The following ERC2 variants were observed in gnomAD, a reference collection of about 807,000 sequenced individuals.
The protein encoded by ERC2 is ERC protein 2.
Under a neutral mutation model 114.8 loss-of-function variants are expected in ERC2, and 42 were observed. That is an observed-to-expected ratio of 0.37 (90% CI 0.29 to 0.47). The LOEUF (loss-of-function observed/expected upper bound fraction) is 0.47. Ranked by LOEUF, ERC2 falls within the 20% of genes least tolerant of loss-of-function variation. The pLI is 0.99. For missense variants in ERC2, 939 were observed against 1,150.7 expected, an observed-to-expected ratio of 0.82 and a Z score of 2.66; for synonymous variants, 454 against 425.5, an observed-to-expected ratio of 1.07 and a Z score of -0.82.
intron 17 of ERC2, among the ~76,000 whole-genome samples, chr3:55,521,785 A>G (rs1483685625): frequency 6.6e-6 from 1 of 152,220 alleles, no homozygotes; most frequent in Non-Finnish European, 1.5e-5. Flanking sequence ...GCAAAGAATT[A>G]AGCTTGTAAC....
At chr3:55,694,865 G>C (rs2062848109) in intron 16 of ERC2, among the ~76,000 whole-genome samples, 1 of 152,230 alleles carries the variant, frequency 6.6e-6, no homozygotes. Context: ...ACAAAGGGTA[G>C]CCTGCATGGT....
rs151068392 is a variant in ERC2, at chr3:56,225,973, G to A, written c.1075-52453C>T. 1.3e-3 allele frequency among the ~76,000 whole-genome samples: 193 copies of A among 152,218 alleles called. 1 individual carries two copies. Among genetic ancestry groups the A allele is most frequent in the African/African-American group, 4.6e-3 (189 of 41,530 alleles). On this transcript the variant is annotated intron_variant, in intron 3 of 17. Coordinates refer to ENST00000288221, the MANE Select transcript of ERC2 (RefSeq NM_015576.3). Reference sequence around the variant, plus strand: ...TAGCATTTATGGCAATCAGAACTGCGCCTCATGCACTTGTGTCATCTTTCT... The same window carrying A: ...TAGCATTTATGGCAATCAGAACTGCACCTCATGCACTTGTGTCATCTTTCT...
intron 3 of ERC2, among the ~76,000 whole-genome samples, chr3:56,294,049 A>G (rs2055268737): frequency 6.6e-6 from 1 of 152,260 alleles, no homozygotes; most frequent in South Asian, 2.1e-4. Context: ...TTCCAACTAT[A>G]GTGATCCTCT....
intron 17 of ERC2, among the ~76,000 whole-genome samples, chr3:55,602,176 G>A (rs950247333): frequency 1.1e-4 from 17 of 152,186 alleles, no homozygotes; most frequent in African/African-American, 4.1e-4. Flanking sequence ...CAGTGTGTGA[G>A]AGACTGAGAA....
chr3:56,228,801 G>C (rs576045618), intron 3 of ERC2, among the ~76,000 whole-genome samples: 36 of 152,268 alleles, frequency 2.4e-4, no homozygotes, highest in South Asian at 8.3e-4. Context: ...ATTTTTAAAA[G>C]TGTAAAATAA....
At chr3:55,835,007 G>T (rs1240888362) in intron 14 of ERC2, among the ~76,000 whole-genome samples, 1 of 151,332 alleles carries the variant, frequency 6.6e-6, no homozygotes, top group African/African-American at 2.4e-5. Context: ...TAGAAGAAAT[G>T]GATAAATTCC....
intron 3 of ERC2, among the ~76,000 whole-genome samples, chr3:56,244,754 G>A (rs760263002): frequency 6.6e-6 from 1 of 152,148 alleles, no homozygotes; most frequent in Non-Finnish European, 1.5e-5. Context: ...AGTGTACAGT[G>A]TTTGTAAAGT....
Position 55,790,734 on chromosome 3 carries a change from A to C in ERC2, c.2565-55816T>G, listed in dbSNP as rs141912521. Among the ~76,000 whole-genome samples, 371 of 152,344 alleles carry C rather than the reference A, an allele frequency of 2.4e-3. 3 individuals are homozygous for C. The highest frequency in any genetic ancestry group is 3.8e-3 in the Non-Finnish European group (260 of 68,038). On this transcript the variant is annotated intron_variant, in intron 14 of 17. Coordinates refer to ENST00000288221, the MANE Select transcript of ERC2 (RefSeq NM_015576.3). Reference sequence around the variant, plus strand: ...CCTAGCCAGACTGTGAATTCAGTGAAGCTTGGGACTAATGTCTTTTCATTT... The same window carrying C: ...CCTAGCCAGACTGTGAATTCAGTGACGCTTGGGACTAATGTCTTTTCATTT...
intron 17 of ERC2, among the ~76,000 whole-genome samples, chr3:55,614,360 T>C (rs2059038150): frequency 6.6e-6 from 1 of 152,120 alleles, no homozygotes; most frequent in African/African-American, 2.4e-5. Context: ...GTATTCTTTT[T>C]CTCTGAGTAC....
intron 17 of ERC2, among the ~76,000 whole-genome samples, chr3:55,605,587 C>T (rs2058608460): frequency 6.6e-6 from 1 of 152,150 alleles, no homozygotes; most frequent in Non-Finnish European, 1.5e-5. Context: ...AGATGAGACA[C>T]TTCAGAGGCT....
intron 2 of ERC2, among the ~76,000 whole-genome samples, chr3:56,392,270 G>T (rs937976291): frequency 1.3e-5 from 2 of 152,058 alleles, no homozygotes; most frequent in Non-Finnish European, 2.9e-5. Context: ...TCTTTAAAAT[G>T]GTTTTCTGGT....
intron 2 of ERC2, among the ~76,000 whole-genome samples, chr3:56,420,056 T>C (rs2061327736): frequency 6.6e-6 from 1 of 152,178 alleles, no homozygotes; most frequent in Non-Finnish European, 1.5e-5. Context: ...TTATATTATT[T>C]CACATGGATA....
At chr3:56,295,083 C>A (rs11708280) in intron 3 of ERC2, among the ~76,000 whole-genome samples, 33,254 of 152,144 alleles carry the variant, frequency 0.22, 4,285 homozygotes, top group Non-Finnish European at 0.28. Context: ...AAGTGACTCA[C>A]AAGAAGCACC....
chr3:56,217,561 G>C (rs1227575767), intron 3 of ERC2, among the ~76,000 whole-genome samples: 1 of 152,086 alleles, frequency 6.6e-6, no homozygotes, highest in Admixed American at 6.5e-5. Flanking sequence ...TGGCCATACT[G>C]CCCAAGGTAA....
chr3:56,123,986 C>T (rs1025849859), intron 6 of ERC2, among the ~76,000 whole-genome samples: 2 of 152,086 alleles, frequency 1.3e-5, no homozygotes, highest in African/African-American at 4.8e-5. Flanking sequence ...TGTTAAAGTC[C>T]ATTCTAACTA....
intron 17 of ERC2, among the ~76,000 whole-genome samples, chr3:55,675,613 G>C (rs1176014466): frequency 6.6e-6 from 1 of 152,154 alleles, no homozygotes; most frequent in Non-Finnish European, 1.5e-5. Flanking sequence ...GAACCAACAA[G>C]ACAATTCTGA....
chr3:55,836,593 C>G (rs528458064), intron 14 of ERC2, among the ~76,000 whole-genome samples: 2 of 151,846 alleles, frequency 1.3e-5, no homozygotes, highest in African/African-American at 4.8e-5. Context: ...CACCTTATAC[C>G]AAAATTAATT....
chr3:56,141,275 T>A (rs1007700150), intron 5 of ERC2, among the ~76,000 whole-genome samples: 1 of 152,198 alleles, frequency 6.6e-6, no homozygotes, highest in African/African-American at 2.4e-5. Context: ...TTATTTACCC[T>A]CTTCTTGAAC....
At chr3:56,311,255 C>CTCTCTCTCTCTA (rs1314796268) in intron 2 of ERC2, among the ~76,000 whole-genome samples, 4 of 79,064 alleles carry the variant, frequency 5.1e-5, no homozygotes, top group East Asian at 3.5e-4. Context: ...CTCTCTCTCT[C>CTCTCTCTCTCTA]TATATATATA....
Sources: gnomAD v4.1 joint callset for allele counts (sites outside exome capture counted in the v4.1 genomes callset) on GRCh38, gnomAD v4.1.1 for gene constraint, MANE v1.5 for transcripts, NCBI Gene and HGNC (gene_info 2026-07-23, HGNC 2026-07-21) for gene names.